MECOM: variants seen among roughly 807,000 people sequenced by gnomAD.
MECOM encodes the protein MDS1 and EVI1 complex locus.
Under a neutral mutation model 116.3 loss-of-function variants are expected in MECOM, and 13 were observed. That is an observed-to-expected ratio of 0.11 (90% CI 0.07 to 0.18). The LOEUF (loss-of-function observed/expected upper bound fraction) is 0.18, where lower values mean the gene tolerates loss of function less well. Ranked by LOEUF, MECOM falls within the 10% of genes least tolerant of loss-of-function variation. The probability of loss-of-function intolerance (pLI) is 1.00; values close to 1 mark genes in which losing one functional copy is unlikely to be tolerated. For missense variants in MECOM, 1,299 were observed against 1,509.0 expected, an observed-to-expected ratio of 0.86 and a Z score of 2.31; for synonymous variants, 528 against 535.2, an observed-to-expected ratio of 0.99 and a Z score of 0.19.
chr3:169,603,390 T>TA lies in MECOM; in HGVS notation c.37+59945dup, dbSNP rs956044192. On this transcript the variant is annotated intron_variant, in intron 1 of 16. Transcript: ENST00000651503. ...GTCAAAGTTTAAAAAGTTTACAAAG[T>TA]AAAAAAAAATTACCATACGCTAAGA... Among the ~76,000 whole-genome samples, 6 of 151,734 alleles carry TA rather than the reference T, an allele frequency of 4.0e-5. No individual in the cohort carries two copies. The East Asian group carries it at 5.8e-4, about 15-fold the overall frequency.
At chr3:169,424,677 G>A (rs1279615670) in intron 1 of MECOM, among the ~76,000 whole-genome samples, 4 of 152,096 alleles carry the variant, frequency 2.6e-5, no homozygotes, top group Non-Finnish European at 4.4e-5. Context: ...AAAGCTTAGA[G>A]TCTCCTTGAA....
At chr3:169,388,993 C>T (rs1031021701) in intron 1 of MECOM, among the ~76,000 whole-genome samples, 22 of 152,138 alleles carry the variant, frequency 1.4e-4, no homozygotes, top group African/African-American at 3.9e-4. Context: ...GAATGTGATA[C>T]GGATGGAAAA....
In MECOM at chr3:169,630,601, C is replaced by T. The variant is rs147370012; in HGVS notation, c.37+32735G>A. Among the ~76,000 whole-genome samples the T allele has an allele frequency of 2.2e-4, 33 of 152,278 alleles. No homozygotes were observed. The East Asian group carries it at 4.6e-3, about 21-fold the overall frequency. On this transcript the variant is annotated intron_variant, in intron 1 of 16. Transcript: ENST00000651503. ...CTGAGCAGCTAAGACTACAGGTACA[C>T]ACCACCATGTCCAGCTTATTTTGTA...
chr3:169,252,654 T>C (rs1756390374), intron 2 of MECOM, among the ~76,000 whole-genome samples: 1 of 152,142 alleles, frequency 6.6e-6, no homozygotes, highest in Non-Finnish European at 1.5e-5. Flanking sequence ...CTGGGAAATC[T>C]GACACACCAA....
chr3:169,115,883 C>A lies in MECOM; in HGVS notation c.1989G>T (p.Lys663Asn). 1 of 1,614,070 alleles carries A rather than the reference C, an allele frequency of 6.2e-7. No homozygotes were observed. The highest frequency in any genetic ancestry group is 8.5e-7 in the Non-Finnish European group (1 of 1,180,046). ...AVSGAVNDSI[K>N]AIASIAEKYF... is the part of the protein sequence containing the mutation. ...ATTTTTCAGCAATAGAAGCAATAGC[C>A]TTTATAGAATCATTCACAGCTCCTG... is the stretch of plus-strand genomic sequence containing the variant. Residue 663 changes from lysine to asparagine, a missense_variant, in exon 8 of 17, where the codon AAG (lysine) becomes AAT (asparagine). Lys to Asn is a moderately conservative substitution (Grantham distance 94, BLOSUM62 0). Around this residue, in one of 6 missense-constraint regions of MECOM, gnomAD observed 340 missense variants for 312.6 expected, o/e 1.09. Transcript: ENST00000651503.
intron 1 of MECOM, among the ~76,000 whole-genome samples, chr3:169,614,168 C>A (rs1384593963): frequency 2.0e-5 from 3 of 148,586 alleles, no homozygotes; most frequent in Non-Finnish European, 4.4e-5. Flanking sequence ...CCCACACACA[C>A]AAACTAAAGC....
intron 1 of MECOM, among the ~76,000 whole-genome samples, chr3:169,642,089 G>A (rs1181899758): frequency 6.6e-6 from 1 of 152,168 alleles, no homozygotes; most frequent in African/African-American, 2.4e-5. Flanking sequence ...GTGTTTCTAA[G>A]AGTAGTTATC....
chr3:169,287,271 G>A (rs1218962557), intron 2 of MECOM, among the ~76,000 whole-genome samples: 1 of 152,186 alleles, frequency 6.6e-6, no homozygotes, highest in Non-Finnish European at 1.5e-5. Context: ...AGGCTTATCT[G>A]CTCCCTATCT....
chr3:169,219,825 T>G (rs1751904023), intron 2 of MECOM, among the ~76,000 whole-genome samples: 1 of 149,344 alleles, frequency 6.7e-6, no homozygotes. Flanking sequence ...TGTGTATATA[T>G]ATATAAAATC....
At chr3:169,536,207 C>T (rs1471342895) in intron 1 of MECOM, among the ~76,000 whole-genome samples, 2 of 152,116 alleles carry the variant, frequency 1.3e-5, no homozygotes, top group Admixed American at 6.5e-5. Flanking sequence ...CCCCAACCTT[C>T]TTTAGTGAAA....
chr3:169,272,188 G>C (rs536764495), intron 2 of MECOM, among the ~76,000 whole-genome samples: 2 of 152,302 alleles, frequency 1.3e-5, no homozygotes, highest in African/African-American at 4.8e-5. Flanking sequence ...AATTCACACT[G>C]TTAAACGCAA....
At chr3:169,091,791 T>G (rs980555025) in intron 14 of MECOM, among the ~76,000 whole-genome samples, 15 of 152,062 alleles carry the variant, frequency 9.9e-5, no homozygotes, top group African/African-American at 3.4e-4. Context: ...TCATTTTTTT[T>G]GTTATTTTAG....
chr3:169,278,023 TACA>T (rs1759829111), intron 2 of MECOM, among the ~76,000 whole-genome samples: 2 of 152,330 alleles, frequency 1.3e-5, no homozygotes, highest in South Asian at 4.1e-4. Flanking sequence ...TTGCTATATT[TACA>T]AACACAGTAT....
intron 1 of MECOM, among the ~76,000 whole-genome samples, chr3:169,417,173 C>A (rs571704532): frequency 6.6e-6 from 1 of 150,940 alleles, no homozygotes; most frequent in African/African-American, 2.4e-5. Context: ...AACAGGCAAC[C>A]TACAAAATGG....
At chr3:169,251,465 C>T (rs955621816) in intron 2 of MECOM, among the ~76,000 whole-genome samples, 6 of 152,078 alleles carry the variant, frequency 3.9e-5, no homozygotes, top group East Asian at 1.9e-4. Context: ...TTCTGTGAGC[C>T]GAAGTCTACT....
intron 1 of MECOM, among the ~76,000 whole-genome samples, chr3:169,605,550 C>T (rs549777374): frequency 2.2e-4 from 33 of 152,244 alleles, no homozygotes; most frequent in African/African-American, 7.0e-4. Flanking sequence ...TGGAGGGTGC[C>T]GGTCTGTGCT....
chr3:169,262,615 T>C (rs1180943286), intron 2 of MECOM, among the ~76,000 whole-genome samples: 1 of 152,044 alleles, frequency 6.6e-6, no homozygotes, highest in Non-Finnish European at 1.5e-5. Context: ...TATTCTCTTC[T>C]CCTCCCAGGG....
intron 1 of MECOM, among the ~76,000 whole-genome samples, chr3:169,490,327 C>T (rs928009958): frequency 1.3e-5 from 2 of 152,216 alleles, no homozygotes; most frequent in Admixed American, 6.5e-5. Context: ...CACAACCCAG[C>T]AATTTCAATT....
At chr3:169,535,826 C>T (rs907758756) in intron 1 of MECOM, among the ~76,000 whole-genome samples, 8 of 152,210 alleles carry the variant, frequency 5.3e-5, no homozygotes, top group Admixed American at 3.9e-4. Flanking sequence ...AGACTGTCAA[C>T]AGCTGTAACT....
Sources: allele counts gnomAD v4.1 joint callset (sites outside exome capture counted in the v4.1 genomes callset), GRCh38; gene constraint gnomAD v4.1.1; regional missense constraint gnomAD v4.1.1; transcripts MANE v1.5; gene names NCBI Gene and HGNC (gene_info 2026-07-23, HGNC 2026-07-21).